Variants in SGCD observed in about 807,000 individuals in gnomAD.
SGCD encodes the protein delta-sarcoglycan.
In SGCD, 18 loss-of-function variants were observed where a neutral mutation model predicts 36.6. That is an observed-to-expected ratio of 0.49 (90% CI 0.34 to 0.73). The LOEUF (loss-of-function observed/expected upper bound fraction) is 0.73, where lower values mean the gene tolerates loss of function less well. Among genes scored for constraint, SGCD ranks in the 30% least tolerant of loss-of-function variants. SGCD has a pLI of 0.01. For missense variants in SGCD, 387 were observed against 346.7 expected, an observed-to-expected ratio of 1.12 and a Z score of -0.92; for synonymous variants, 133 against 130.6, an observed-to-expected ratio of 1.02 and a Z score of -0.12.
At chr5:156,300,385 T>G (rs1481726767) in intron 3 of SGCD, among the ~76,000 whole-genome samples, 1 of 152,074 alleles carries the variant, frequency 6.6e-6, no homozygotes, top group South Asian at 2.1e-4. Flanking sequence ...CCACTCATCA[T>G]TTAGGAGCAT....
chr5:156,058,503 G>A (rs1350382313), intron 1 of SGCD, among the ~76,000 whole-genome samples: 1 of 145,724 alleles, frequency 6.9e-6, no homozygotes, highest in Non-Finnish European at 1.5e-5. Flanking sequence ...ATTTCTAACG[G>A]GCTTCCAGGA....
intron 6 of SGCD, among the ~76,000 whole-genome samples, chr5:156,616,334 C>G (rs1762019604): frequency 6.6e-6 from 1 of 152,094 alleles, no homozygotes; most frequent in African/African-American, 2.4e-5. Context: ...GGTCATATTC[C>G]CACTGCTAGA....
chr5:155,902,409 T>C (rs1320970154), intron 1 of SGCD, among the ~76,000 whole-genome samples: 3 of 152,192 alleles, frequency 2.0e-5, no homozygotes, highest in Non-Finnish European at 4.4e-5. Flanking sequence ...CTTTAAATAA[T>C]AGCATTTTCA....
At chr5:156,588,005 C>T (rs554766769) in intron 4 of SGCD, among the ~76,000 whole-genome samples, 1 of 151,548 alleles carries the variant, frequency 6.6e-6, no homozygotes, top group African/African-American at 2.4e-5. Context: ...GGGCTCAAAG[C>T]ATTGAGCTAT....
At chr5:156,388,375 C>T (rs754502147) in intron 3 of SGCD, among the ~76,000 whole-genome samples, 12 of 152,122 alleles carry the variant, frequency 7.9e-5, no homozygotes, top group African/African-American at 2.7e-4. Context: ...AGTCATTCAA[C>T]GACCAGATGC....
chr5:155,738,641 A>AGT, the SGCD span, among the ~76,000 whole-genome samples: 44 of 151,302 alleles, frequency 2.9e-4, no homozygotes, highest in African/African-American at 7.8e-4. Context: ...AGTCTGTGAG[A>AGT]GTGTGTGTGT....
chr5:155,798,181 A>G, the SGCD span, among the ~76,000 whole-genome samples: 1 of 152,198 alleles, frequency 6.6e-6, no homozygotes, highest in Non-Finnish European at 1.5e-5. Context: ...TGCCATAAGA[A>G]TGTTACAATT....
intron 4 of SGCD, among the ~76,000 whole-genome samples, chr5:156,517,721 A>G (rs1285269012): frequency 6.6e-6 from 1 of 152,212 alleles, no homozygotes; most frequent in Non-Finnish European, 1.5e-5. Context: ...CCAACCCTGA[A>G]TTTTATATCT....
chr5:155,904,732 AAAAT>A (rs916981829), intron 1 of SGCD, among the ~76,000 whole-genome samples: 2 of 152,168 alleles, frequency 1.3e-5, no homozygotes, highest in African/African-American at 4.8e-5. Context: ...GGTTTTTTAA[AAAAT>A]ACAACTGTAA....
rs117811722 is a variant in SGCD, at chr5:156,342,027, T to C, written c.4-2462T>C. Among the ~76,000 whole-genome samples, 61 of 152,332 alleles carry C rather than the reference T, an allele frequency of 4.0e-4. No homozygotes were observed. The East Asian group carries it at 0.01, about 26-fold the overall frequency. On this transcript the variant is annotated intron_variant, in intron 2 of 8. Transcript: ENST00000337851. ...ATGCCCGGCTGAGTACAAATGTTTT[T>C]AACAGCTCCATCAGTAACTCTGATG...
At chr5:155,776,050 T>C in the SGCD span, among the ~76,000 whole-genome samples, 1 of 152,208 alleles carries the variant, frequency 6.6e-6, no homozygotes, top group African/African-American at 2.4e-5. Flanking sequence ...AGTTTCTGGA[T>C]GTTAACTAGC....
At chr5:156,001,493 C>T (rs1048365043) in intron 1 of SGCD, among the ~76,000 whole-genome samples, 6 of 152,138 alleles carry the variant, frequency 3.9e-5, no homozygotes, top group African/African-American at 7.2e-5. Context: ...TGGATAACAA[C>T]TTTGGGTCTG....
chr5:155,762,126 G>A, the SGCD span, among the ~76,000 whole-genome samples: 1 of 152,192 alleles, frequency 6.6e-6, no homozygotes, highest in East Asian at 1.9e-4. Flanking sequence ...CCCATGCTAA[G>A]TGTGATTATA....
chr5:156,674,888 A>G (rs535726062), intron 7 of SGCD, among the ~76,000 whole-genome samples: 20 of 152,354 alleles, frequency 1.3e-4, no homozygotes, highest in South Asian at 1.0e-3. Flanking sequence ...GTACTCCTCT[A>G]AGAATTTCCT....
At chr5:156,343,304 C>T (rs1008661850) in intron 2 of SGCD, among the ~76,000 whole-genome samples, 2 of 151,964 alleles carry the variant, frequency 1.3e-5, no homozygotes, top group African/African-American at 4.8e-5. Context: ...TACATGACAG[C>T]CAAATGAAGT....
chr5:156,012,766 C>A (rs1415071664), intron 1 of SGCD, among the ~76,000 whole-genome samples: 1 of 151,782 alleles, frequency 6.6e-6, no homozygotes, highest in Non-Finnish European at 1.5e-5. Flanking sequence ...GTACCTGCCA[C>A]CATGCCTGGC....
rs563361698 is a variant in SGCD, at chr5:156,246,701, A to G, written c.-43-82833A>G. ...TATGCTTTAAAGTAATTTTTGTTAA[A>G]AAATGTCTTTTTTTGTGCTCAATTT... On this transcript the variant is annotated intron_variant, in intron 3 of 9. Transcript: ENST00000517913. Among the ~76,000 whole-genome samples, 122 of 152,296 alleles carry G rather than the reference A, an allele frequency of 8.0e-4. 2 individuals carry two copies. The highest frequency in any genetic ancestry group is 2.9e-3 in the African/African-American group (119 of 41,562).
intron 3 of SGCD, among the ~76,000 whole-genome samples, chr5:156,404,663 C>T (rs1444149350): frequency 6.6e-6 from 1 of 152,146 alleles, no homozygotes; most frequent in Non-Finnish European, 1.5e-5. Context: ...TCTCAAAATG[C>T]AATGGTAGAT....
intron 1 of SGCD, among the ~76,000 whole-genome samples, chr5:156,031,920 T>C (rs1759356261): frequency 6.6e-6 from 1 of 152,168 alleles, no homozygotes; most frequent in South Asian, 2.1e-4. Context: ...AGGTGCTAAG[T>C]CATTATATCA....
Sources: gnomAD v4.1 joint callset for allele counts (sites outside exome capture counted in the v4.1 genomes callset) on GRCh38, gnomAD v4.1.1 for gene constraint, MANE v1.5 for transcripts, NCBI Gene and HGNC (gene_info 2026-07-23, HGNC 2026-07-21) for gene names.